NRG1: variants seen among roughly 807,000 people sequenced by gnomAD.
The protein encoded by NRG1 is pro-neuregulin-1, membrane-bound isoform.
Under a neutral mutation model 63.8 loss-of-function variants are expected in NRG1, and 18 were observed. The ratio of observed to expected loss-of-function variants is 0.28; its 90% CI spans 0.19 to 0.42. The LOEUF is 0.42. Among genes scored for constraint, NRG1 ranks in the 10% least tolerant of loss-of-function variants. NRG1 has a pLI of 1.00. For synonymous variants in NRG1, 302 were observed against 301.3 expected (o/e 1.00, Z -0.02); for missense variants, 762 against 814.7 (o/e 0.94, Z 0.79).
chr8:32,422,085 A>T (rs1293462976), intron 1 of NRG1, among the ~76,000 whole-genome samples: 1 of 152,176 alleles, frequency 6.6e-6, no homozygotes, highest in Non-Finnish European at 1.5e-5. Flanking sequence ...AGACCTCATC[A>T]CTATGCAATA....
At chr8:32,241,297 A>T (rs1206852872) in intron 1 of NRG1, among the ~76,000 whole-genome samples, 1 of 152,218 alleles carries the variant, frequency 6.6e-6, no homozygotes, top group East Asian at 1.9e-4. Flanking sequence ...GAAATTTCTA[A>T]GTAAAATGCA....
chr8:31,705,224 T>C (rs937327067), intron 1 of NRG1, among the ~76,000 whole-genome samples: 2 of 152,048 alleles, frequency 1.3e-5, no homozygotes, highest in African/African-American at 4.8e-5. Context: ...TTATTTTTAT[T>C]TTTAGTAGAG....
intron 1 of NRG1, among the ~76,000 whole-genome samples, chr8:32,121,194 T>C (rs575128304): frequency 6.6e-6 from 1 of 152,196 alleles, no homozygotes; most frequent in South Asian, 2.1e-4. Flanking sequence ...CAAGGAAAAT[T>C]GTGTTTACAG....
chr8:32,391,359 AT>A lies in NRG1; in HGVS notation c.38-204462del, dbSNP rs1036073261. 7.5e-4 allele frequency among the ~76,000 whole-genome samples: 114 copies of A among 151,794 alleles called. 1 individual carries two copies. The highest frequency in any genetic ancestry group is 2.6e-3 in the African/African-American group (108 of 41,388). On this transcript the variant is annotated intron_variant, in intron 1 of 10. Coordinates refer to the NRG1 transcript ENST00000519301. ...ATGTTGCCCAGTCTGGAATATATAT[AT>A]TTTTTTGACTTTTATTTTAGGTTCA...
chr8:32,071,556 G>A (rs531462663), intron 1 of NRG1, among the ~76,000 whole-genome samples: 17 of 152,210 alleles, frequency 1.1e-4, no homozygotes, highest in African/African-American at 3.4e-4. Context: ...CTTCTGCGCC[G>A]TTAACTAGGA....
At chr8:31,984,451 G>A (rs1809696177) in intron 1 of NRG1, among the ~76,000 whole-genome samples, 1 of 151,998 alleles carries the variant, frequency 6.6e-6, no homozygotes, top group Non-Finnish European at 1.5e-5. Context: ...GACAGATGAT[G>A]ACCCTAAGAC....
At chr8:31,731,489 C>T (rs1814061305) in intron 1 of NRG1, among the ~76,000 whole-genome samples, 1 of 151,654 alleles carries the variant, frequency 6.6e-6, no homozygotes, top group Non-Finnish European at 1.5e-5. Context: ...TATTGTTTTA[C>T]ACATGGAGAG....
At chr8:32,348,755 T>C (rs1016359800) in intron 1 of NRG1, among the ~76,000 whole-genome samples, 1 of 152,200 alleles carries the variant, frequency 6.6e-6, no homozygotes, top group Non-Finnish European at 1.5e-5. Flanking sequence ...ATCTATAACA[T>C]ATATTTTATG....
intron 1 of NRG1, among the ~76,000 whole-genome samples, chr8:31,776,687 C>G (rs991438074): frequency 1.3e-5 from 2 of 152,168 alleles, no homozygotes; most frequent in African/African-American, 4.8e-5. Context: ...TATTCCTCCC[C>G]CTCCCCCTAC....
chr8:32,261,700 AG>A (rs1850398885), intron 1 of NRG1, among the ~76,000 whole-genome samples: 1 of 152,144 alleles, frequency 6.6e-6, no homozygotes, highest in South Asian at 2.1e-4. Context: ...TGGACGGTAA[AG>A]GCCAGAAAAG....
chr8:32,355,003 TA>T (rs1271207748), intron 1 of NRG1, among the ~76,000 whole-genome samples: 1 of 151,760 alleles, frequency 6.6e-6, no homozygotes, highest in African/African-American at 2.4e-5. Context: ...ATTTAAAAGA[TA>T]AAAGAAACTA....
chr8:31,983,242 A>G (rs1316748097), intron 1 of NRG1, among the ~76,000 whole-genome samples: 1 of 152,066 alleles, frequency 6.6e-6, no homozygotes, highest in Admixed American at 6.6e-5. Context: ...CTCACATGTG[A>G]ATCTTTTATC....
intron 1 of NRG1, among the ~76,000 whole-genome samples, chr8:32,484,950 C>T (rs114424362): frequency 0.012 from 1,881 of 152,272 alleles, 42 homozygotes; most frequent in African/African-American, 0.042. Flanking sequence ...AGTGAACATA[C>T]ACCACGCAAC....
At chr8:31,838,210 T>G (rs1825864729) in intron 1 of NRG1, among the ~76,000 whole-genome samples, 2 of 152,076 alleles carry the variant, frequency 1.3e-5, no homozygotes, top group African/African-American at 4.8e-5. Context: ...GCAATCCATC[T>G]TTTTCCCAGT....
chr8:32,052,536 C>T (rs1460259039), intron 1 of NRG1, among the ~76,000 whole-genome samples: 4 of 151,988 alleles, frequency 2.6e-5, no homozygotes, highest in Admixed American at 6.6e-5. Context: ...CCCACCTCTA[C>T]GTTTTCAAAT....
At chr8:32,532,638 T>C (rs1205316222) in intron 1 of NRG1, among the ~76,000 whole-genome samples, 2 of 152,080 alleles carry the variant, frequency 1.3e-5, no homozygotes, top group African/African-American at 4.8e-5. Flanking sequence ...TTCATTACAA[T>C]TTTTTCAGTC....
intron 6 of NRG1, 198 bp downstream of exon 6, chr8:32,728,276 C>G (rs78284939): frequency 3.0e-6 from 3 of 984,878 alleles, no homozygotes; most frequent in Admixed American, 1.2e-4. Context: ...GTTTTTTGCT[C>G]TTTTCAATGT....
intron 1 of NRG1, among the ~76,000 whole-genome samples, chr8:32,375,387 A>G (rs560792858): frequency 6.6e-6 from 1 of 152,310 alleles, no homozygotes; most frequent in South Asian, 2.1e-4. Flanking sequence ...CACCATTTTT[A>G]TGAATAATAT....
chr8:32,722,931 T>C (rs552269856), intron 5 of NRG1, among the ~76,000 whole-genome samples: 2 of 152,332 alleles, frequency 1.3e-5, no homozygotes, highest in African/African-American at 2.4e-5. Context: ...TGATTGTCAC[T>C]CCAAATTAGG....
Sources: gnomAD v4.1 joint callset for allele counts (sites outside exome capture counted in the v4.1 genomes callset) on GRCh38, gnomAD v4.1.1 for gene constraint, MANE v1.5 for transcripts, NCBI Gene and HGNC (gene_info 2026-07-23, HGNC 2026-07-21) for gene names.